Variants in PYGL observed in about 807,000 individuals in gnomAD.
PYGL encodes the protein glycogen phosphorylase L, also known as glycogen phosphorylase, liver form.
Under a neutral mutation model 100.1 loss-of-function variants are expected in PYGL, and 90 were observed. The observed-to-expected ratio is 0.90, with a 90% CI of 0.76 to 1.07. PYGL has a LOEUF of 1.07. PYGL is among the 50% of genes least tolerant of loss of function. The pLI, the probability that PYGL is intolerant of heterozygous loss-of-function variation, is 0.00. For synonymous variants in PYGL, 373 were observed against 393.0 expected, an observed-to-expected ratio of 0.95 and a Z score of 0.60; for missense variants, 1,016 against 1,057.6, an observed-to-expected ratio of 0.96 and a Z score of 0.55.
intron 4 of PYGL, among the ~76,000 whole-genome samples, chr14:50,924,942 G>A (rs1334489391): frequency 6.6e-6 from 1 of 152,098 alleles, no homozygotes; most frequent in African/African-American, 2.4e-5. Context: ...CATTGGAGGG[G>A]GATGTATTTT....
At position 50,942,559 on chromosome 14, in the gene PYGL, C is replaced by T. The variant is rs1320178770; in HGVS notation, c.243+1602G>A. Among the ~76,000 whole-genome samples, 4 of 140,002 alleles carry T rather than the reference C, an allele frequency of 2.9e-5. 2 individuals are homozygous for T. The highest frequency in any genetic ancestry group is 6.3e-5 in the Non-Finnish European group (4 of 63,518). The allele number at this position is 140,002 out of a possible 152,430, so 91.8% of individuals were successfully genotyped here. On this transcript the variant is annotated intron_variant, in intron 1 of 19. Coordinates refer to ENST00000216392, the MANE Select transcript of PYGL (RefSeq NM_002863.5). ...GATAGTGGCCGAGTGTGGTGGCTCACACCTGTAATCCCAGCACTTTGGGAG... is the reference window on the plus strand; with the variant it reads ...GATAGTGGCCGAGTGTGGTGGCTCATACCTGTAATCCCAGCACTTTGGGAG...
rs867595105 is a variant in PYGL, at chr14:50,931,843, C to T, written c.425-67G>A. The T allele has an allele frequency of 5.1e-5, 66 of 1,296,996 alleles. No individual in the cohort carries two copies. The Middle Eastern group carries it at 1.3e-3, about 25-fold the overall frequency. 80.3% of individuals were successfully genotyped at this position (1,296,996 alleles called of 1,614,324 possible). A position where few individuals can be genotyped will look rare whatever the true frequency, so the allele number is the denominator to read the frequency against. On this transcript the variant is annotated intron_variant, in intron 3 of 19. Coordinates refer to ENST00000216392, the MANE Select transcript of PYGL (RefSeq NM_002863.5). ...CTGAGCCAAAATTTCCAGTCTTTCCCTAAAACACATGGCAGCCACAAAACA... is the reference window on the plus strand; with the variant it reads ...CTGAGCCAAAATTTCCAGTCTTTCCTTAAAACACATGGCAGCCACAAAACA...
rs771314634 is a variant in PYGL at position 50,905,482 on chromosome 14, A to G, written c.2454T>C (p.Ile818=). 1 of 1,613,762 alleles carries G rather than the reference A, an allele frequency of 6.2e-7. No homozygotes were observed. The highest frequency in any genetic ancestry group is 1.3e-5 in the African/African-American group (1 of 74,884). ...ASGKFSSDRT[I]KEYAQNIWNV... Reference sequence around the variant, plus strand: ...TCCAGATGTTTTGGGCATATTCTTTAATTGTTCGGTCACTGGAGAATTTCC... The same window carrying G: ...TCCAGATGTTTTGGGCATATTCTTTGATTGTTCGGTCACTGGAGAATTTCC... The change falls in exon 20 of 20, where the codon ATT becomes ATC. Residue 818 remains isoleucine (I), a synonymous_variant. Coordinates refer to ENST00000216392, the MANE Select transcript of PYGL (RefSeq NM_002863.5).
At chr14:50,941,194 T>C (rs2050699188) in intron 1 of PYGL, among the ~76,000 whole-genome samples, 1 of 152,196 alleles carries the variant, frequency 6.6e-6, no homozygotes, top group South Asian at 2.1e-4. Context: ...TATACTCAAA[T>C]GCCTTCAGGA....
At position 50,916,975 on chromosome 14, in the gene PYGL, G is replaced by T. The variant is rs756397141; in HGVS notation, c.986C>A (p.Ala329Asp). The change falls in exon 8 of 20, where the codon GCC (alanine) becomes GAC (aspartate). Residue 329 changes from alanine (A) to aspartate (D), a missense_variant. Coordinates refer to ENST00000216392, the MANE Select transcript of PYGL (RefSeq NM_002863.5). ...STRGAGTVFDAFPDQVAIQLN... is the reference protein window; with the variant it reads ...STRGAGTVFDDFPDQVAIQLN... ...CTAAATACTTGCCTGATCCGGGAAG[G>T]CATCAAACACAGTTCCTGCACCACG... 5.6e-6 allele frequency: 9 copies of T among 1,614,066 alleles called. No homozygotes were observed. Among genetic ancestry groups the T allele is most frequent in the Non-Finnish European group, 2.5e-6 (3 of 1,180,024 alleles).
At chr14:50,910,831 G>C (rs1267607950) in intron 16 of PYGL, among the ~76,000 whole-genome samples, 2 of 152,106 alleles carry the variant, frequency 1.3e-5, no homozygotes, top group Non-Finnish European at 2.9e-5. Context: ...GTGTGCCTGG[G>C]GCTAGACATC....
chr14:50,920,452 A>T, intron 7 of PYGL, 89 bp downstream of exon 7: 1 of 1,239,948 alleles, frequency 8.1e-7, no homozygotes, highest in Non-Finnish European at 1.2e-6. Context: ...AAAAACATCA[A>T]TATTAAATGT....
chr14:50,912,552 A>G (rs1490616187), intron 13 of PYGL: 1 of 528,962 alleles, frequency 1.9e-6, no homozygotes, highest in African/African-American at 1.9e-5. Flanking sequence ...CATGTTGGCC[A>G]GAGTGGTCTT....
chr14:50,941,171 T>C (rs2050698806), intron 1 of PYGL, among the ~76,000 whole-genome samples: 1 of 152,158 alleles, frequency 6.6e-6, no homozygotes, highest in African/African-American at 2.4e-5. Context: ...ATGCACAGAA[T>C]GAGACGGGAT....
rs747596605 is a variant in PYGL, at chr14:50,908,231, G to A, written c.2379+40C>T. On this transcript the variant is annotated intron_variant, in intron 19 of 19. Transcript: ENST00000216392. ...AAAACCCACATTTTAATGAATCATAGTAAACTGGTTTTCTTTATAAATCTT... is the reference window on the plus strand; with the variant it reads ...AAAACCCACATTTTAATGAATCATAATAAACTGGTTTTCTTTATAAATCTT... 4.0e-6 allele frequency: 6 copies of A among 1,494,724 alleles called. No individual in the cohort carries two copies. The South Asian group carries it at 6.8e-5, about 17-fold the overall frequency. The allele number at this position is 1,494,724 out of a possible 1,614,324, so 92.6% of individuals were successfully genotyped here. A position where few individuals can be genotyped will look rare whatever the true frequency, so the allele number is the denominator to read the frequency against.
chr14:50,939,327 C>T (rs559358290), intron 1 of PYGL, among the ~76,000 whole-genome samples: 33 of 152,302 alleles, frequency 2.2e-4, no homozygotes, highest in Admixed American at 3.3e-4. Flanking sequence ...GTGAGCCAAG[C>T]GCCCGGCCTA....
At chr14:50,942,445 C>A (rs1202907586) in intron 1 of PYGL, among the ~76,000 whole-genome samples, 2 of 140,274 alleles carry the variant, frequency 1.4e-5, no homozygotes, top group African/African-American at 4.9e-5. Flanking sequence ...TCCCACCCTT[C>A]CGCTTAAAAT....
chr14:50,932,425 T>C (rs1234328835), intron 3 of PYGL, among the ~76,000 whole-genome samples: 1 of 152,184 alleles, frequency 6.6e-6, no homozygotes, highest in African/African-American at 2.4e-5. Context: ...TTCAATCAGA[T>C]GAGTGGTGCT....
At chr14:50,916,082 C>A in intron 9 of PYGL, 111 bp from the exon 10 acceptor site, 1 of 1,439,878 alleles carries the variant, frequency 6.9e-7, no homozygotes, top group Non-Finnish European at 9.6e-7. Flanking sequence ...TCCAAGTGTG[C>A]ATAGTCAGAG....
chr14:50,921,061 G>T lies in PYGL; in HGVS notation c.667C>A (p.Leu223Met). 6.2e-7 allele frequency: 1 copy of T among 1,611,984 alleles called. No homozygotes were observed. The change falls in exon 6 of 20, where the codon CTG becomes ATG. Residue 223 changes from leucine to methionine, a missense_variant. By Grantham distance (15) the Leu-to-Met change is conservative (BLOSUM62 2). Transcript: ENST00000216392. ...GTKWIDTQVV[L>M]ALPYDTPVPG... Reference sequence around the variant, plus strand: ...ACGGGGGTGTCATATGGCAGAGCCAGGACCACCTGTGGGATTAAACAGAAG... The same window carrying T: ...ACGGGGGTGTCATATGGCAGAGCCATGACCACCTGTGGGATTAAACAGAAG...
At chr14:50,941,031 G>C (rs991209212) in intron 1 of PYGL, among the ~76,000 whole-genome samples, 1 of 152,136 alleles carries the variant, frequency 6.6e-6, no homozygotes, top group Non-Finnish European at 1.5e-5. Flanking sequence ...AGATAACAAG[G>C]GAAGAACAGG....
Position 50,917,073 on chromosome 14 carries a change from C to T in PYGL, c.888G>A (p.Gln296=), listed in dbSNP as rs757474765. The change falls in exon 8 of 20, where the codon CAG becomes CAA. Residue 296 remains glutamine, a synonymous_variant. Transcript: ENST00000216392. ...AGGTTGCAGCCACCACAAAGTATTC[C>T]TGCTTCAATCTTAGCTCCTTCCCTT... ...FFEGKELRLK[Q]EYFVVAATLQ... 2 of 1,613,930 alleles carry T rather than the reference C, an allele frequency of 1.2e-6. No individual in the cohort carries two copies. Among genetic ancestry groups the T allele is most frequent in the South Asian group, 1.1e-5 (1 of 91,080 alleles).
In PYGL at chr14:50,931,711, A is replaced by T. The variant is rs2050602441; in HGVS notation, c.490T>A (p.Tyr164Asn). Reference protein sequence around the residue: ...AAYGYGIRYEYGIFNQKIRDG... With the variant: ...AAYGYGIRYENGIFNQKIRDG... The stretch of plus-strand genomic sequence containing the variant: ...CGGATCTTCTGATTGAAAATCCCAT[A>T]TTCATACCGAATGCCGTATCCATAG... The change falls in exon 4 of 20, where the codon TAT becomes AAT. Residue 164 changes from tyrosine to asparagine, a missense_variant. Coordinates refer to ENST00000216392, the MANE Select transcript of PYGL (RefSeq NM_002863.5). The T allele has an allele frequency of 1.2e-6, 2 of 1,613,886 alleles. No homozygotes were observed. The highest frequency in any genetic ancestry group is 1.7e-6 in the Non-Finnish European group (2 of 1,179,916).
chr14:50,923,974 T>C lies in PYGL; in HGVS notation c.655A>G (p.Thr219Ala). Residue 219 changes from threonine (T) to alanine (A), a missense_variant, in exon 5 of 20, where the codon ACT becomes GCT. Coordinates refer to ENST00000216392, the MANE Select transcript of PYGL (RefSeq NM_002863.5). Reference sequence around the variant, plus strand: ...TATACGAGCACTCTGAATACTTGAGTGTCAATCCACTTGGTCCCGGTGTTG... The same window carrying C: ...TATACGAGCACTCTGAATACTTGAGCGTCAATCCACTTGGTCCCGGTGTTG... The part of the protein sequence containing the change: ...HTNTGTKWID[T>A]QVVLALPYDT... The C allele has an allele frequency of 6.2e-7, 1 of 1,613,802 alleles. No individual in the cohort carries two copies. The highest frequency in any genetic ancestry group is 8.5e-7 in the Non-Finnish European group (1 of 1,179,730).
Sources: gnomAD v4.1 joint callset for allele counts (sites outside exome capture counted in the v4.1 genomes callset) on GRCh38, gnomAD v4.1.1 for gene constraint, MANE v1.5 for transcripts, NCBI Gene and HGNC (gene_info 2026-07-23, HGNC 2026-07-21) for gene names.